The following SVEP1 variants were observed in gnomAD, a reference collection of about 807,000 sequenced individuals.
SVEP1 encodes the protein sushi, von Willebrand factor type A, EGF and pentraxin domain-containing protein 1.
A neutral mutation model predicts 367.3 loss-of-function variants in SVEP1; 164 were observed. The ratio of observed to expected loss-of-function variants is 0.45; its 90% CI spans 0.39 to 0.51. SVEP1 has a LOEUF of 0.51. Among genes scored for constraint, SVEP1 ranks in the 20% least tolerant of loss-of-function variants. The pLI is 0.00. For missense variants in SVEP1, 4,117 were observed against 4,425.3 expected (o/e 0.93, Z 1.98); for synonymous variants, 1,666 against 1,611.6 (o/e 1.03, Z -0.81).
At chr9:110,546,627 C>T (rs985550446) in intron 2 of SVEP1, among the ~76,000 whole-genome samples, 31 of 152,280 alleles carry the variant, frequency 2.0e-4, no homozygotes, top group African/African-American at 6.7e-4. Flanking sequence ...CCCCTGGCTT[C>T]CAAAGCAGCA....
At chr9:110,498,043 T>C (rs1464791060) in intron 7 of SVEP1, among the ~76,000 whole-genome samples, 1 of 152,252 alleles carries the variant, frequency 6.6e-6, no homozygotes, top group African/African-American at 2.4e-5. Context: ...ATCTAAAGTT[T>C]ATATTTATTT....
chr9:110,388,032 A>G (rs1414434302), intron 41 of SVEP1, among the ~76,000 whole-genome samples: 1 of 152,162 alleles, frequency 6.6e-6, no homozygotes, highest in African/African-American at 2.4e-5. Flanking sequence ...CAACTCTGAG[A>G]TTATCTCATG....
At position 110,406,119 on chromosome 9, in the gene SVEP1, C is replaced by A. The variant is rs199677397; in HGVS notation, c.9440+41G>T. ...GATCGATCACATTTCATTTCATAAT[C>A]CTGCCCGCACCCCTTGGAGACCCTA... On this transcript the variant is annotated intron_variant, in intron 38 of 47. Transcript: ENST00000374469. 131 of 1,510,570 alleles carry A rather than the reference C, an allele frequency of 8.7e-5. No individual in the cohort carries two copies. In the African/African-American group the frequency reaches 1.6e-3, roughly 19 times the overall value. 93.6% of individuals were successfully genotyped at this position (1,510,570 alleles called of 1,614,324 possible). A position where few individuals can be genotyped will look rare whatever the true frequency, so the allele number is the denominator to read the frequency against.
intron 3 of SVEP1, among the ~76,000 whole-genome samples, chr9:110,524,444 A>G (rs1829916399): frequency 6.6e-6 from 1 of 152,164 alleles, no homozygotes; most frequent in Non-Finnish European, 1.5e-5. Context: ...GCAATATGTA[A>G]AAAGAATTAT....
intron 1 of SVEP1, among the ~76,000 whole-genome samples, chr9:110,577,020 T>C (rs1265819394): frequency 6.6e-6 from 1 of 152,148 alleles, no homozygotes. Context: ...TGAGAAAATA[T>C]AAGGTCTTAC....
At chr9:110,578,904 G>A (rs1830657284) in intron 1 of SVEP1, 109 bp downstream of exon 1, 1 of 1,228,814 alleles carries the variant, frequency 8.1e-7, no homozygotes, top group Non-Finnish European at 1.1e-6. Context: ...CTTGACTTGG[G>A]GTGGTTATGC....
At chr9:110,428,116 C>A (rs191278181) in intron 35 of SVEP1, among the ~76,000 whole-genome samples, 1 of 152,252 alleles carries the variant, frequency 6.6e-6, no homozygotes, top group Non-Finnish European at 1.5e-5. Context: ...GAAAGACACT[C>A]ACCTAAGTAG....
At chr9:110,444,999 G>A (rs993108055) in intron 26 of SVEP1, among the ~76,000 whole-genome samples, 6 of 152,124 alleles carry the variant, frequency 3.9e-5, no homozygotes, top group African/African-American at 1.2e-4. Context: ...AAGCTCAGTG[G>A]GTTTTGAACA....
At chr9:110,519,606 T>G (rs1277678105) in intron 3 of SVEP1, among the ~76,000 whole-genome samples, 1 of 152,206 alleles carries the variant, frequency 6.6e-6, no homozygotes, top group Non-Finnish European at 1.5e-5. Flanking sequence ...TGTGCTCCTG[T>G]ATATTCAAAG....
At chr9:110,498,372 T>C (rs948091626) in intron 7 of SVEP1, among the ~76,000 whole-genome samples, 7 of 152,170 alleles carry the variant, frequency 4.6e-5, no homozygotes, top group Admixed American at 6.5e-5. Flanking sequence ...CCTTATTAAA[T>C]GGACATTGGG....
rs926535453 is a variant in SVEP1 at position 110,530,176 on chromosome 9, T to G, written c.964+15939A>C. 3.3e-5 allele frequency among the ~76,000 whole-genome samples: 5 copies of G among 152,346 alleles called. No homozygotes were observed. The South Asian group carries it at 1.0e-3, about 32-fold the overall frequency. ...ATCATATTTATTGAATTATGTATGT[T>G]GAACCATCCCTGCATCCCTGGGATG... is the stretch of plus-strand genomic sequence containing the variant. On this transcript the variant is annotated intron_variant, in intron 3 of 47. Transcript: ENST00000374469.
intron 5 of SVEP1, among the ~76,000 whole-genome samples, chr9:110,504,983 T>C (rs1223661278): frequency 6.6e-6 from 1 of 152,202 alleles, no homozygotes; most frequent in South Asian, 2.1e-4. Flanking sequence ...CTTCATCTTC[T>C]TTGAATTCAC....
rs368305194 is a variant in SVEP1, at chr9:110,411,364, A to G, written c.6347T>C (p.Phe2116Ser). The change falls in exon 37 of 48, where the codon TTT (phenylalanine) becomes TCT (serine). Residue 2116 changes from phenylalanine to serine, a missense_variant. Phe to Ser is a radical substitution (Grantham distance 155). Transcript: ENST00000374469. ...AATCTTTGCTGAGGTGTTCAGTACA[A>G]AGCCTTCCATGCATTTAAAGCTCAC... ...SVVSFKCMEGFVLNTSAKIEC... is the reference protein window; with the variant it reads ...SVVSFKCMEGSVLNTSAKIEC... 4 of 1,614,010 alleles carry G rather than the reference A, an allele frequency of 2.5e-6. No individual in the cohort carries two copies. In the African/African-American group the frequency reaches 5.3e-5, roughly 22 times the overall value.
chr9:110,398,321 C>T (rs1046725844), intron 40 of SVEP1, among the ~76,000 whole-genome samples: 23 of 152,148 alleles, frequency 1.5e-4, no homozygotes, highest in African/African-American at 4.3e-4. Context: ...CCCTTCCTTA[C>T]ACCTTACACA....
chr9:110,378,940 T>C (rs1385765376), intron 44 of SVEP1, among the ~76,000 whole-genome samples: 2 of 152,008 alleles, frequency 1.3e-5, no homozygotes, highest in Non-Finnish European at 2.9e-5. Context: ...TCTGAACAGT[T>C]TGTGGTCAAC....
intron 1 of SVEP1, among the ~76,000 whole-genome samples, chr9:110,570,568 C>T (rs1243507958): frequency 6.6e-6 from 1 of 151,536 alleles, no homozygotes; most frequent in East Asian, 1.9e-4. Flanking sequence ...GCAACCTCTG[C>T]CTCCTGGATT....
intron 8 of SVEP1, among the ~76,000 whole-genome samples, chr9:110,494,096 C>T (rs1829410657): frequency 1.3e-5 from 2 of 152,218 alleles, no homozygotes; most frequent in Non-Finnish European, 1.5e-5. Flanking sequence ...ATAACCCACG[C>T]TAATCCTCCC....
At chr9:110,498,080 A>G (rs1829478918) in intron 7 of SVEP1, among the ~76,000 whole-genome samples, 1 of 152,208 alleles carries the variant, frequency 6.6e-6, no homozygotes. Flanking sequence ...ACACATTGCT[A>G]CATTTCCTTG....
At chr9:110,455,002 A>C (rs759146067) in intron 22 of SVEP1, among the ~76,000 whole-genome samples, 3 of 152,228 alleles carry the variant, frequency 2.0e-5, no homozygotes, top group Non-Finnish European at 2.9e-5. Context: ...AAGATTTTGA[A>C]TGCTAAAAAA....
Sources: allele counts gnomAD v4.1 joint callset (sites outside exome capture counted in the v4.1 genomes callset), GRCh38; gene constraint gnomAD v4.1.1; transcripts MANE v1.5; gene names NCBI Gene and HGNC (gene_info 2026-07-23, HGNC 2026-07-21).